Variants in GPHN observed in about 807,000 individuals in gnomAD.
The protein encoded by GPHN is gephyrin.
A neutral mutation model predicts 95.5 loss-of-function variants in GPHN; 17 were observed. The observed-to-expected ratio is 0.18, with a 90% CI of 0.12 to 0.27. The LOEUF is 0.27. Among genes scored for constraint, GPHN ranks in the 10% least tolerant of loss-of-function variants. GPHN has a pLI of 1.00. For synonymous variants in GPHN, 320 were observed against 322.5 expected (o/e 0.99, Z 0.08); for missense variants, 660 against 978.1 (o/e 0.67, Z 4.34).
At chr14:67,501,427 T>C in the GPHN span, among the ~76,000 whole-genome samples, 6 of 152,148 alleles carry the variant, frequency 3.9e-5, no homozygotes, top group African/African-American at 1.4e-4. Flanking sequence ...TGCAGTGGCA[T>C]GATCATAGGT....
At chr14:67,026,238 A>T (rs1179837036) in intron 10 of GPHN, among the ~76,000 whole-genome samples, 1 of 152,238 alleles carries the variant, frequency 6.6e-6, no homozygotes, top group Non-Finnish European at 1.5e-5. Context: ...AAATTTTAAA[A>T]TGTGGTAATA....
At position 67,165,147 on chromosome 14, in the gene GPHN, C is replaced by CTT. The variant is rs757111014; in HGVS notation, c.1911-9_1911-8dup. On this transcript the variant is annotated splice_polypyrimidine_tract_variant and intron_variant, in intron 19 of 22. Coordinates refer to ENST00000478722, the MANE Select transcript of GPHN (RefSeq NM_020806.5). ...GCTTAGCAATCACTAACAAGTGACT[C>CTT]TTTTTTTCTTCTAGCTTGCCAACAA... The CTT allele has an allele frequency of 2.6e-4, 413 of 1,591,386 alleles. 1 individual carries two copies. The African/African-American group carries it at 5.0e-3, about 19-fold the overall frequency.
At chr14:67,398,716 C>A in the GPHN span, among the ~76,000 whole-genome samples, 3 of 151,874 alleles carry the variant, frequency 2.0e-5, no homozygotes, top group Non-Finnish European at 4.4e-5. Flanking sequence ...GCCACCACAC[C>A]CGGCTAATTT....
chr14:66,592,724 A>G (rs11892808), intron 1 of GPHN, among the ~76,000 whole-genome samples: 2 of 152,214 alleles, frequency 1.3e-5, no homozygotes, highest in African/African-American at 4.8e-5. Flanking sequence ...TAGTTCAACC[A>G]TTGTGGAAGA....
chr14:66,763,857 T>C (rs1462919317), intron 2 of GPHN, among the ~76,000 whole-genome samples: 1 of 152,048 alleles, frequency 6.6e-6, no homozygotes, highest in Non-Finnish European at 1.5e-5. Flanking sequence ...CCACCTTTTG[T>C]CAGATCAGTG....
intron 5 of GPHN, among the ~76,000 whole-genome samples, chr14:66,891,543 G>GA (rs2064502045): frequency 6.6e-6 from 1 of 151,762 alleles, no homozygotes; most frequent in African/African-American, 2.4e-5. Flanking sequence ...AAAACTCTTA[G>GA]AAAAAAACAT....
intron 17 of GPHN, among the ~76,000 whole-genome samples, chr14:67,136,742 G>C (rs1033230637): frequency 2.0e-5 from 3 of 152,096 alleles, no homozygotes; most frequent in Admixed American, 6.6e-5. Context: ...ATCTTCTGTT[G>C]CCTAGTACAT....
chr14:66,888,772 A>G (rs927008601), intron 5 of GPHN, among the ~76,000 whole-genome samples: 7 of 152,126 alleles, frequency 4.6e-5, no homozygotes, highest in African/African-American at 1.7e-4. Flanking sequence ...AAACTTTCCA[A>G]TCAAGAGACA....
At chr14:67,420,602 A>G in the GPHN span, among the ~76,000 whole-genome samples, 2 of 152,216 alleles carry the variant, frequency 1.3e-5, no homozygotes, top group Admixed American at 1.3e-4. Context: ...GGTAGTCAGA[A>G]GAGCCAGCTA....
chr14:66,532,554 C>A lies in GPHN; in HGVS notation c.64+23963C>A, dbSNP rs533197359. 2.6e-5 allele frequency among the ~76,000 whole-genome samples: 4 copies of A among 152,260 alleles called. No homozygotes were observed. The East Asian group carries it at 7.7e-4, about 29-fold the overall frequency. On this transcript the variant is annotated intron_variant, in intron 1 of 22. Coordinates refer to ENST00000478722, the MANE Select transcript of GPHN (RefSeq NM_020806.5). ...ACCCAAGGGTGTAAATGCTAGGAAGCATGGTTAATTGAGGATATTCAAACT... is the reference window on the plus strand; with the variant it reads ...ACCCAAGGGTGTAAATGCTAGGAAGAATGGTTAATTGAGGATATTCAAACT...
intron 5 of GPHN, among the ~76,000 whole-genome samples, chr14:66,881,675 G>A (rs1252616344): frequency 1.3e-5 from 2 of 151,796 alleles, no homozygotes; most frequent in Non-Finnish European, 2.9e-5. Flanking sequence ...ATCCAGTATA[G>A]AAATATCACT....
the GPHN span, among the ~76,000 whole-genome samples, chr14:67,423,727 A>G: frequency 6.6e-6 from 1 of 152,184 alleles, no homozygotes; most frequent in East Asian, 1.9e-4. Flanking sequence ...GCTTCATAAT[A>G]TTTCTTCCAT....
chr14:67,175,291 C>CT (rs1421076374), intron 21 of GPHN, among the ~76,000 whole-genome samples: 1 of 152,184 alleles, frequency 6.6e-6, no homozygotes, highest in African/African-American at 2.4e-5. Context: ...CAGCTTTCTA[C>CT]TTATGGCTAG....
chr14:67,020,835 T>C (rs1324581738), intron 9 of GPHN, among the ~76,000 whole-genome samples: 1 of 152,162 alleles, frequency 6.6e-6, no homozygotes, highest in Admixed American at 6.5e-5. Flanking sequence ...ATACCTTTTA[T>C]TTGTAATCCC....
intron 4 of GPHN, among the ~76,000 whole-genome samples, chr14:66,871,560 T>C (rs1467122200): frequency 6.6e-6 from 1 of 152,206 alleles, no homozygotes; most frequent in African/African-American, 2.4e-5. Flanking sequence ...GTGTTTCGTC[T>C]TGGTAAGTCT....
chr14:66,850,611 A>T (rs2062540495), intron 4 of GPHN, among the ~76,000 whole-genome samples: 1 of 152,126 alleles, frequency 6.6e-6, no homozygotes, highest in Non-Finnish European at 1.5e-5. Flanking sequence ...TGGTTGTTAC[A>T]ATTGGAGGGT....
intron 11 of GPHN, among the ~76,000 whole-genome samples, chr14:67,081,067 A>G (rs2076676579): frequency 6.6e-6 from 1 of 152,192 alleles, no homozygotes; most frequent in African/African-American, 2.4e-5. Flanking sequence ...GCTGCTATAA[A>G]CATGCATGTG....
At chr14:67,208,033 G>A in the GPHN span, 1 of 525,184 alleles carries the variant, frequency 1.9e-6, no homozygotes, top group Non-Finnish European at 2.4e-6. Flanking sequence ...ACACACCCGG[G>A]GCTCTCCCAA....
chr14:66,800,680 G>A (rs2060315998), intron 3 of GPHN, among the ~76,000 whole-genome samples: 1 of 151,880 alleles, frequency 6.6e-6, no homozygotes. Context: ...ATAATCTTAG[G>A]GTTCAATCTG....
Sources: allele counts gnomAD v4.1 joint callset (sites outside exome capture counted in the v4.1 genomes callset), GRCh38; gene constraint gnomAD v4.1.1; transcripts MANE v1.5; gene names NCBI Gene and HGNC (gene_info 2026-07-23, HGNC 2026-07-21).